Variants in CHRM3 observed in about 807,000 individuals in gnomAD.
CHRM3 encodes the protein cholinergic receptor muscarinic 3.
In CHRM3, 11 loss-of-function variants were observed where a neutral mutation model predicts 41.8. The ratio of observed to expected loss-of-function variants is 0.26; its 90% confidence interval spans 0.17 to 0.44. The LOEUF (loss-of-function observed/expected upper bound fraction) is 0.44, where lower values mean the gene tolerates loss of function less well. Among genes scored for constraint, CHRM3 ranks in the 20% least tolerant of loss-of-function variants. The probability of loss-of-function intolerance (pLI) is 1.00; values close to 1 mark genes in which losing one functional copy is unlikely to be tolerated. For missense variants in CHRM3, 571 were observed against 745.4 expected (o/e 0.77, Z 2.72); for synonymous variants, 297 against 301.4 (o/e 0.99, Z 0.15).
chr1:239,448,426 A>C (rs941345651), intron 1 of CHRM3, among the ~76,000 whole-genome samples: 3 of 152,170 alleles, frequency 2.0e-5, no homozygotes, highest in Non-Finnish European at 4.4e-5. Flanking sequence ...ATTAGGTTGG[A>C]GTCTAGAATA....
chr1:239,852,724 G>T (rs1360764946), intron 6 of CHRM3, among the ~76,000 whole-genome samples: 1 of 152,110 alleles, frequency 6.6e-6, no homozygotes, highest in African/African-American at 2.4e-5. Flanking sequence ...AGACACCCTA[G>T]AATTATTCAG....
At chr1:239,706,139 T>C (rs1410262634) in intron 5 of CHRM3, among the ~76,000 whole-genome samples, 1 of 149,464 alleles carries the variant, frequency 6.7e-6, no homozygotes, top group Non-Finnish European at 1.5e-5. Flanking sequence ...TACAACTAAA[T>C]TATAATAAAT....
At chr1:239,549,455 G>A (rs1330758290) in intron 3 of CHRM3, among the ~76,000 whole-genome samples, 3 of 149,032 alleles carry the variant, frequency 2.0e-5, no homozygotes, top group Non-Finnish European at 4.4e-5. Flanking sequence ...TTTGAGACCT[G>A]CCTGGCCAAC....
intron 5 of CHRM3, among the ~76,000 whole-genome samples, chr1:239,743,334 G>A (rs55973901): frequency 0.22 from 32,796 of 152,006 alleles, 4,680 homozygotes; most frequent in East Asian, 0.5. Context: ...CTCAGACAAG[G>A]GACATGTCTT....
chr1:239,606,349 C>G (rs1422597221), intron 3 of CHRM3: 1 of 152,014 alleles, frequency 6.6e-6, no homozygotes, highest in African/African-American at 2.4e-5. Context: ...AATCTCGGCT[C>G]ACTGCTACCT....
rs571455449 is a variant in CHRM3 at position 239,791,405 on chromosome 1, A to G, written c.-146-35847A>G. On this transcript the variant is annotated intron_variant, in intron 5 of 6. Transcript: ENST00000676153. ...CAGGCGTGAACCACCATGCCCAGCCAGTAAACATTTCTTTAAAAGGGGCAT... is the reference window on the plus strand; with the variant it reads ...CAGGCGTGAACCACCATGCCCAGCCGGTAAACATTTCTTTAAAAGGGGCAT... Among the ~76,000 whole-genome samples, 3 of 152,278 alleles carry G rather than the reference A, an allele frequency of 2.0e-5. No individual in the cohort carries two copies. In the East Asian group the frequency reaches 5.8e-4, roughly 29 times the overall value.
chr1:239,397,412 C>T (rs1250278427), intron 1 of CHRM3, among the ~76,000 whole-genome samples: 1 of 152,006 alleles, frequency 6.6e-6, no homozygotes, highest in African/African-American at 2.4e-5. Context: ...GTGGCTCACG[C>T]CTGTAATCCC....
intron 3 of CHRM3, among the ~76,000 whole-genome samples, chr1:239,584,361 C>A (rs765564767): frequency 1.3e-5 from 2 of 152,064 alleles, no homozygotes; most frequent in Non-Finnish European, 2.9e-5. Flanking sequence ...GCCTCAGCCT[C>A]CCAAAGTGCT....
intron 6 of CHRM3, among the ~76,000 whole-genome samples, chr1:239,865,446 A>G (rs1161664145): frequency 6.6e-6 from 1 of 152,236 alleles, no homozygotes; most frequent in Non-Finnish European, 1.5e-5. Context: ...AATAATATGT[A>G]AATTCAGGAA....
At chr1:239,448,215 A>G (rs1386524903) in intron 1 of CHRM3, among the ~76,000 whole-genome samples, 1 of 152,250 alleles carries the variant, frequency 6.6e-6, no homozygotes, top group Non-Finnish European at 1.5e-5. Flanking sequence ...CAACATTAAT[A>G]GTAAGCAACA....
rs115478368 is a variant in CHRM3 at position 239,487,110 on chromosome 1, T to C, written c.-520-5599T>C. On this transcript the variant is annotated intron_variant, in intron 1 of 6. Transcript: ENST00000676153. Reference sequence around the variant, plus strand: ...TCTTCCACTTGCATATGAAACTCGATATAGAAAAGTATAGCCAAAATAGGT... The same window carrying C: ...TCTTCCACTTGCATATGAAACTCGACATAGAAAAGTATAGCCAAAATAGGT... Among the ~76,000 whole-genome samples, 1,471 of 152,246 alleles carry C rather than the reference T, an allele frequency of 9.7e-3. 10 individuals carry two copies. Among genetic ancestry groups the C allele is most frequent in the Non-Finnish European group, 0.017 (1,157 of 68,010 alleles).
chr1:239,794,924 G>A (rs1273890012), intron 5 of CHRM3, among the ~76,000 whole-genome samples: 4 of 151,930 alleles, frequency 2.6e-5, no homozygotes, highest in South Asian at 2.1e-4. Flanking sequence ...GTTTGATATC[G>A]TATCTCTGTA....
intron 2 of CHRM3, among the ~76,000 whole-genome samples, chr1:239,529,260 T>C (rs945321387): frequency 6.6e-6 from 1 of 152,168 alleles, no homozygotes; most frequent in Non-Finnish European, 1.5e-5. Context: ...AGGGAATATA[T>C]GAAGTTCCAA....
At chr1:239,632,098 CAA>C (rs1367096070) in intron 3 of CHRM3, 124 bp from the exon 4 acceptor site, 1 of 152,162 alleles carries the variant, frequency 6.6e-6, no homozygotes, top group Non-Finnish European at 1.5e-5. Context: ...ACTTCCAACT[CAA>C]AAATTCTGTA....
chr1:239,651,473 A>G (rs1672233488), intron 4 of CHRM3, among the ~76,000 whole-genome samples: 1 of 152,226 alleles, frequency 6.6e-6, no homozygotes, highest in Admixed American at 6.5e-5. Flanking sequence ...AAAGCCTCGC[A>G]CAGAGAATGC....
intron 3 of CHRM3, among the ~76,000 whole-genome samples, chr1:239,565,910 CTTTTTTT>C (rs796838831): frequency 3.4e-5 from 4 of 117,432 alleles, no homozygotes; most frequent in East Asian, 2.5e-4. Context: ...CATCTTTTTT[CTTTTTTT>C]TTTTTTTTTT....
chr1:239,460,279 C>G (rs1275225603), intron 1 of CHRM3, among the ~76,000 whole-genome samples: 1 of 152,062 alleles, frequency 6.6e-6, no homozygotes, highest in Non-Finnish European at 1.5e-5. Flanking sequence ...CTTCTCTGCC[C>G]TTTCTTGAGT....
chr1:239,467,588 C>T (rs982758217), intron 1 of CHRM3, among the ~76,000 whole-genome samples: 1 of 152,180 alleles, frequency 6.6e-6, no homozygotes, highest in Non-Finnish European at 1.5e-5. Context: ...GTGTGAGCCA[C>T]CGTGCCCGGC....
chr1:239,859,827 A>ATATATTTT (rs1278679609), intron 6 of CHRM3, among the ~76,000 whole-genome samples: 18 of 39,128 alleles, frequency 4.6e-4, no homozygotes, highest in African/African-American at 7.6e-4. Context: ...TTTTATATAT[A>ATATATTTT]TATATATATA....
Sources: gnomAD v4.1 joint callset for allele counts (sites outside exome capture counted in the v4.1 genomes callset) on GRCh38, gnomAD v4.1.1 for gene constraint, MANE v1.5 for transcripts, NCBI Gene and HGNC (gene_info 2026-07-23, HGNC 2026-07-21) for gene names.